Variants in CCR3 observed in about 807,000 individuals in gnomAD.
CCR3 encodes the protein C-C motif chemokine receptor 3, also known as C-C chemokine receptor type 3.
For synonymous variants in CCR3, 203 were observed against 179.2 expected (o/e 1.13, Z -1.06); for missense variants, 419 against 437.5 (o/e 0.96, Z 0.38).
chr3:46,255,587 A>G (rs1041055387), intron 1 of CCR3, among the ~76,000 whole-genome samples: 1 of 152,040 alleles, frequency 6.6e-6, no homozygotes, highest in Non-Finnish European at 1.5e-5. Context: ...GTGAGAGATG[A>G]GGATCCAGTT....
intron 1 of CCR3, among the ~76,000 whole-genome samples, chr3:46,248,520 A>G (rs1559533400): frequency 6.6e-6 from 1 of 152,084 alleles, no homozygotes; most frequent in African/African-American, 2.4e-5. Flanking sequence ...GAAGGAAAGG[A>G]GTTGTTGTTT....
chr3:46,256,047 A>AT, intron 1 of CCR3, among the ~76,000 whole-genome samples: 1 of 152,006 alleles, frequency 6.6e-6, no homozygotes, highest in Non-Finnish European at 1.5e-5. Context: ...ATGTGTTTCC[A>AT]TTTTTTGTGT....
chr3:46,232,149 C>T (rs1251367707), intron 2 of CCR3, among the ~76,000 whole-genome samples: 3 of 151,824 alleles, frequency 2.0e-5, no homozygotes, highest in Non-Finnish European at 4.4e-5. Flanking sequence ...TTTTGATGTT[C>T]TTATAAAAAA....
intron 2 of CCR3, among the ~76,000 whole-genome samples, chr3:46,232,724 C>T (rs1979671): frequency 0.77 from 117,846 of 152,182 alleles, 46,397 homozygotes; most frequent in African/African-American, 0.91. Context: ...GACTCTTGTT[C>T]ACCTGTTATC....
chr3:46,224,031 G>GC (rs1241934492), intron 2 of CCR3, among the ~76,000 whole-genome samples: 6 of 152,100 alleles, frequency 3.9e-5, no homozygotes, highest in African/African-American at 1.4e-4. Context: ...ATAAAGGGAT[G>GC]CATATACAAA....
chr3:46,245,204 G>A (rs1700167627), intron 1 of CCR3, among the ~76,000 whole-genome samples: 1 of 152,074 alleles, frequency 6.6e-6, no homozygotes, highest in South Asian at 2.1e-4. Flanking sequence ...TGGCTGGAAA[G>A]AAGACTGCAT....
At chr3:46,219,421 A>G (rs1341052229) in intron 2 of CCR3, among the ~76,000 whole-genome samples, 1 of 152,174 alleles carries the variant, frequency 6.6e-6, no homozygotes, top group Non-Finnish European at 1.5e-5. Context: ...AAAGCAATCT[A>G]TAAATTCAAT....
At chr3:46,245,293 C>A (rs1700168747) in intron 1 of CCR3, among the ~76,000 whole-genome samples, 1 of 150,374 alleles carries the variant, frequency 6.7e-6, no homozygotes. Context: ...CATTCCGTTC[C>A]TGCACTGTTC....
chr3:46,262,485 T>C (rs1311060154), intron 1 of CCR3, among the ~76,000 whole-genome samples: 1 of 152,210 alleles, frequency 6.6e-6, no homozygotes, highest in Non-Finnish European at 1.5e-5. Flanking sequence ...TCTTTCTTAT[T>C]GTTCTTACTT....
rs1453896538 is a variant in CCR3 at position 46,244,442 on chromosome 3, G to A, written c.-12+1904G>A. ...GCAATAAAGCTTTTTAATCACCTGGGTGCAGGCAGGCTGAGTCCGAAAAGA... is the reference window on the plus strand; with the variant it reads ...GCAATAAAGCTTTTTAATCACCTGGATGCAGGCAGGCTGAGTCCGAAAAGA... On this transcript the variant is annotated intron_variant, in intron 1 of 1. Coordinates refer to ENST00000395940, the MANE Select transcript of CCR3 (RefSeq NM_178329.3). Among the ~76,000 whole-genome samples the A allele has an allele frequency of 2.0e-5, 3 of 152,180 alleles. No individual in the cohort carries two copies. The South Asian group carries it at 6.2e-4, about 31-fold the overall frequency.
At chr3:46,217,057 T>C (rs1209583326) in intron 2 of CCR3, among the ~76,000 whole-genome samples, 2 of 152,058 alleles carry the variant, frequency 1.3e-5, no homozygotes, top group African/African-American at 2.4e-5. Context: ...AGAAATAGAA[T>C]GACAGATAGA....
intron 2 of CCR3, among the ~76,000 whole-genome samples, chr3:46,234,196 G>C (rs1030243861): frequency 6.6e-6 from 1 of 152,156 alleles, no homozygotes; most frequent in Non-Finnish European, 1.5e-5. Flanking sequence ...GATTAGGAAG[G>C]TTTCAAACAG....
intron 1 of CCR3, among the ~76,000 whole-genome samples, chr3:46,243,010 C>CATATATATATATATATATAT (rs1700122551): frequency 3.4e-5 from 2 of 58,158 alleles, no homozygotes; most frequent in African/African-American, 2.5e-4. Context: ...TATACGCACA[C>CATATATATATATATATATAT]ACACATACAT....
At chr3:46,244,277 T>C (rs1478939681) in intron 1 of CCR3, among the ~76,000 whole-genome samples, 3 of 152,236 alleles carry the variant, frequency 2.0e-5, no homozygotes, top group African/African-American at 7.2e-5. Flanking sequence ...CATTACAAAT[T>C]ACATTTTTAA....
chr3:46,261,765 C>A (rs191498370), intron 1 of CCR3, among the ~76,000 whole-genome samples: 50 of 152,310 alleles, frequency 3.3e-4, no homozygotes, highest in Non-Finnish European at 1.5e-5. Context: ...TTGTTCATGG[C>A]ATGGGCAGGG....
At chr3:46,228,884 T>C (rs1384414321) in intron 2 of CCR3, among the ~76,000 whole-genome samples, 1 of 152,274 alleles carries the variant, frequency 6.6e-6, no homozygotes, top group African/African-American at 2.4e-5. Context: ...TTTCTCATGT[T>C]ACATCTGCTA....
chr3:46,262,067 T>C (rs1188115944), intron 1 of CCR3, among the ~76,000 whole-genome samples: 1 of 152,196 alleles, frequency 6.6e-6, no homozygotes, highest in Non-Finnish European at 1.5e-5. Context: ...CTCTGCCCCA[T>C]GTCTCAAGTT....
At chr3:46,236,029 A>T (rs1700020589) in intron 2 of CCR3, among the ~76,000 whole-genome samples, 1 of 152,198 alleles carries the variant, frequency 6.6e-6, no homozygotes, top group Non-Finnish European at 1.5e-5. Flanking sequence ...TTGATGTGGA[A>T]TATTTAATCT....
At chr3:46,243,206 A>G (rs988828072) in intron 1 of CCR3, among the ~76,000 whole-genome samples, 2 of 151,866 alleles carry the variant, frequency 1.3e-5, no homozygotes, top group African/African-American at 4.8e-5. Context: ...ACCTAATACA[A>G]CGCATACAGA....
Sources: allele counts gnomAD v4.1 joint callset (sites outside exome capture counted in the v4.1 genomes callset), GRCh38; gene constraint gnomAD v4.1.1; transcripts MANE v1.5; gene names NCBI Gene and HGNC (gene_info 2026-07-23, HGNC 2026-07-21).